MCF2L: variants seen among roughly 807,000 people sequenced by gnomAD.
The protein encoded by MCF2L is guanine nucleotide exchange factor DBS.
A neutral mutation model predicts 153.4 loss-of-function variants in MCF2L; 97 were observed. That is an observed-to-expected ratio of 0.63 (90% CI 0.54 to 0.75). The LOEUF is 0.75. Among genes scored for constraint, MCF2L ranks in the 30% least tolerant of loss-of-function variants. The pLI, the probability that MCF2L is intolerant of heterozygous loss-of-function variation, is 0.00. For synonymous variants in MCF2L, 659 were observed against 632.2 expected (o/e 1.04, Z -0.64); for missense variants, 1,347 against 1,495.2 (o/e 0.90, Z 1.64).
intron 9 of MCF2L, among the ~76,000 whole-genome samples, chr13:113,071,290 A>T (rs2032893978): frequency 6.6e-6 from 1 of 152,152 alleles, no homozygotes; most frequent in Non-Finnish European, 1.5e-5. Context: ...AATTCCTTAT[A>T]TACTGCAGAT....
rs149634043 is a variant in MCF2L, at chr13:113,024,578, G to A, written c.164-66G>A. Reference sequence around the variant, plus strand: ...TACTGGGTGCTGATGAAAACGGGCCGACATCTGTGGAACCCCCGGGGGCAT... The same window carrying A: ...TACTGGGTGCTGATGAAAACGGGCCAACATCTGTGGAACCCCCGGGGGCAT... On this transcript the variant is annotated intron_variant, in intron 2 of 29. Transcript: ENST00000535094. The A allele has an allele frequency of 4.0e-4, 400 of 988,964 alleles. 2 individuals are homozygous for A. The African/African-American group carries it at 5.6e-3, about 14-fold the overall frequency. 61.3% of individuals were successfully genotyped at this position (988,964 alleles called of 1,614,324 possible). A position where few individuals can be genotyped will look rare whatever the true frequency, so the allele number is the denominator to read the frequency against.
intron 16 of MCF2L, among the ~76,000 whole-genome samples, chr13:113,081,629 A>G (rs989640108): frequency 4.6e-5 from 7 of 152,244 alleles, no homozygotes; most frequent in African/African-American, 1.7e-4. Flanking sequence ...AACTCGTCGG[A>G]GGTGGGAGGC....
rs1027068605 is a variant in MCF2L, at chr13:113,031,056, C to CAGACAGAGACAG, written c.278+6307_278+6308insCAGAGACAGAGA. ...ACAGAGAGACAGAGACAGACAGATACAGACAGAGAGACAGAGACAGACAGA... is the reference window on the plus strand; with the variant it reads ...ACAGAGAGACAGAGACAGACAGATACAGACAGAGACAGAGACAGAGAGACAGAGACAGACAGA... On this transcript the variant is annotated intron_variant, in intron 3 of 29. Transcript: ENST00000535094. The surrounding 1 kb of genome is among the most constrained non-coding windows in gnomAD (Gnocchi z 5.5). Among the ~76,000 whole-genome samples, 11 of 69,772 alleles carry CAGACAGAGACAG rather than the reference C, an allele frequency of 1.6e-4. No individual in the cohort carries two copies. The highest frequency in any genetic ancestry group is 2.6e-4 in the Non-Finnish European group (10 of 39,054). 45.8% of individuals were successfully genotyped at this position (69,772 alleles called of 152,430 possible). A position where few individuals can be genotyped will look rare whatever the true frequency, so the allele number is the denominator to read the frequency against.
chr13:113,070,179 T>A lies in MCF2L; in HGVS notation c.996+6T>A. On this transcript the variant is annotated splice_donor_region_variant and intron_variant, in intron 9 of 29. Coordinates refer to ENST00000535094, the MANE Select transcript of MCF2L (RefSeq NM_001112732.3). The surrounding 1 kb of genome is among the most constrained non-coding windows in gnomAD (Gnocchi z 5.6). ...TTGAGCAGGGCTTCCGGGAGGTGAG[T>A]GGCCCTGGGTGGAGCCGGCAGCCGC... 1 of 1,561,542 alleles carries A rather than the reference T, an allele frequency of 6.4e-7. No homozygotes were observed.
chr13:113,024,295 A>G (rs532271079), intron 2 of MCF2L, among the ~76,000 whole-genome samples: 10 of 152,370 alleles, frequency 6.6e-5, no homozygotes, highest in Middle Eastern at 6.8e-3. Flanking sequence ...GTTTGTTCTC[A>G]GTGTCAGGAA....
At chr13:112,948,532 T>C (rs185065905) in intron 2 of MCF2L, among the ~76,000 whole-genome samples, 61 of 152,330 alleles carry the variant, frequency 4.0e-4, no homozygotes, top group African/African-American at 1.4e-3. Context: ...TCAAGTTTTT[T>C]GCCACTTTGT....
intron 1 of MCF2L, among the ~76,000 whole-genome samples, chr13:112,987,195 T>C (rs956815209): frequency 3.3e-5 from 5 of 152,162 alleles, no homozygotes; most frequent in African/African-American, 1.2e-4. Context: ...CTGCAGCTTG[T>C]TCAGGTTCAG....
chr13:113,058,522 G>T (rs542692849), intron 4 of MCF2L, among the ~76,000 whole-genome samples: 14 of 151,118 alleles, frequency 9.3e-5, no homozygotes, highest in African/African-American at 3.4e-4. Flanking sequence ...GTGTTTGGAT[G>T]CTGAGTGTTT....
At chr13:113,060,385 A>G (rs766901491) in intron 4 of MCF2L, among the ~76,000 whole-genome samples, 4 of 152,222 alleles carry the variant, frequency 2.6e-5, no homozygotes, top group Non-Finnish European at 5.9e-5. Flanking sequence ...CCAAGACATG[A>G]GGCTTTTCCT....
chr13:112,935,837 C>A (rs1329606827), intron 2 of MCF2L, among the ~76,000 whole-genome samples: 1 of 152,100 alleles, frequency 6.6e-6, no homozygotes, highest in South Asian at 2.1e-4. Context: ...AAGAGGAAAT[C>A]TGGACACAGA....
chr13:113,077,885 G>A (rs60299054), intron 13 of MCF2L, among the ~76,000 whole-genome samples: 3 of 152,254 alleles, frequency 2.0e-5, no homozygotes, highest in Non-Finnish European at 2.9e-5. Context: ...CAGGGGCCCC[G>A]GGGGCCAGGC....
At position 112,993,685 on chromosome 13, in the gene MCF2L, G is replaced by T. The variant is rs2082987597; in HGVS notation, c.80-21078G>T. ...CCACGATGTCAGGCTTGGAATTTGGGGTGGACGGTGGTGCCATCAGTCAAG... is the reference window on the plus strand; with the variant it reads ...CCACGATGTCAGGCTTGGAATTTGGTGTGGACGGTGGTGCCATCAGTCAAG... On this transcript the variant is annotated intron_variant, in intron 1 of 29. Transcript: ENST00000535094. The surrounding 1 kb of genome is among the most constrained non-coding windows in gnomAD (Gnocchi z 4.6). 1.3e-5 allele frequency among the ~76,000 whole-genome samples: 2 copies of T among 152,074 alleles called. No homozygotes were observed. Among genetic ancestry groups the T allele is most frequent in the South Asian group, 2.1e-4 (1 of 4,816 alleles).
intron 1 of MCF2L, among the ~76,000 whole-genome samples, chr13:112,999,296 A>G (rs1350488073): frequency 6.6e-6 from 1 of 152,086 alleles, no homozygotes; most frequent in Non-Finnish European, 1.5e-5. Context: ...TCAGTGTGAC[A>G]AGACATCGGG....
In MCF2L at chr13:113,020,821, G is replaced by A. The variant is rs144680172; in HGVS notation, c.164-3823G>A. 2.2e-3 allele frequency among the ~76,000 whole-genome samples: 338 copies of A among 151,824 alleles called. 1 individual carries two copies. The highest frequency in any genetic ancestry group is 3.8e-3 in the Non-Finnish European group (256 of 67,874). ...ATGTGTGTATGTATAGTGTGTGCGC[G>A]TGTGAATGTGTAGCTATGTATGTTT... On this transcript the variant is annotated intron_variant, in intron 2 of 29. Coordinates refer to ENST00000535094, the MANE Select transcript of MCF2L (RefSeq NM_001112732.3).
exon 1 of MCF2L, chr13:112,894,407 G>A (rs2081045199): frequency 6.6e-6 from 1 of 151,314 alleles, no homozygotes; most frequent in East Asian, 1.9e-4. Flanking sequence ...CGGCGGACGC[G>A]GGAGGGCAGC....
intron 2 of MCF2L, among the ~76,000 whole-genome samples, chr13:112,926,162 G>A (rs143185158): frequency 3.9e-5 from 6 of 152,298 alleles, no homozygotes; most frequent in South Asian, 2.1e-4. Context: ...AGTGCGGTAC[G>A]GCCTGCTCTA....
At chr13:113,075,680 T>C (rs2033393270) in intron 11 of MCF2L, among the ~76,000 whole-genome samples, 1 of 152,248 alleles carries the variant, frequency 6.6e-6, no homozygotes, top group Non-Finnish European at 1.5e-5. Context: ...GCCTGGTTGA[T>C]CCTACTGCAC....
intron 3 of MCF2L, among the ~76,000 whole-genome samples, chr13:113,033,217 A>ATTAGTGGACCCCGTGGCG (rs1566772497): frequency 1.2e-3 from 16 of 13,464 alleles, no homozygotes; most frequent in East Asian, 2.9e-3. Flanking sequence ...CCCCCGTGAC[A>ATTAGTGGACCCCGTGGCG]TGAGTGGCCC....
intron 1 of MCF2L, among the ~76,000 whole-genome samples, chr13:113,013,202 A>G (rs1014922893): frequency 3.9e-5 from 6 of 152,228 alleles, no homozygotes; most frequent in African/African-American, 1.4e-4. Context: ...TCACCTTGCC[A>G]GGAGCATGAG....
Sources: allele counts gnomAD v4.1 joint callset (sites outside exome capture counted in the v4.1 genomes callset), GRCh38; gene constraint gnomAD v4.1.1; non-coding constraint Gnocchi (gnomAD v3.1); transcripts MANE v1.5; gene names NCBI Gene and HGNC (gene_info 2026-07-23, HGNC 2026-07-21).